The following GGT1 variants were observed in gnomAD, a reference collection of about 807,000 sequenced individuals.
GGT1 encodes the protein glutathione hydrolase 1 proenzyme.
In GGT1, 21 loss-of-function variants were observed where a neutral mutation model predicts 56.0. The ratio of observed to expected loss-of-function variants is 0.38; its 90% CI spans 0.27 to 0.54. The LOEUF is 0.54. Ranked by LOEUF, GGT1 falls within the 20% of genes least tolerant of loss-of-function variation. The pLI, the probability that GGT1 is intolerant of heterozygous loss-of-function variation, is 0.82. For missense variants in GGT1, 466 were observed against 787.0 expected (o/e 0.59, Z 4.88); for synonymous variants, 238 against 342.6 (o/e 0.69, Z 3.37).
At chr22:24,592,516 C>A (rs557018221), upstream of GGT1, 20 of 437,736 alleles carry the variant, frequency 4.6e-5, no homozygotes, top group Non-Finnish European at 8.4e-5. Context: ...TCCCATCTTG[C>A]CAGGGCCTGA....
chr22:24,618,790 A>T (rs906382259), intron 7 of GGT1, among the ~76,000 whole-genome samples: 5 of 152,186 alleles, frequency 3.3e-5, no homozygotes, highest in African/African-American at 1.2e-4. Flanking sequence ...TGCCAAGCCA[A>T]GCCAAATGGC....
chr22:24,623,968 T>A (rs2047588278), intron 11 of GGT1, 52 bp downstream of exon 11: 11 of 1,607,694 alleles, frequency 6.8e-6, no homozygotes, highest in Non-Finnish European at 9.3e-6. Context: ...CATAGAGGCA[T>A]CAGGTGGGCT....
upstream of GGT1, among the ~76,000 whole-genome samples, chr22:24,593,786 CAAAAAA>C (rs34143786): frequency 1.9e-5 from 2 of 105,242 alleles, no homozygotes; most frequent in South Asian, 2.9e-4. Flanking sequence ...AACTCTGTCT[CAAAAAA>C]AAAAAAAAGA....
chr22:24,590,505 T>C (rs5760485), upstream of GGT1, among the ~76,000 whole-genome samples: 61,840 of 151,882 alleles, frequency 0.41, 15,106 homozygotes, highest in African/African-American at 0.69. Context: ...CCAGTTCCCT[T>C]GAGGTAGTGT....
upstream of GGT1, among the ~76,000 whole-genome samples, chr22:24,594,384 CGTGTGTATGTGTGTGTGTGT>C (rs2045653944): frequency 7.1e-6 from 1 of 140,082 alleles, no homozygotes; most frequent in African/African-American, 2.8e-5. Context: ...GCCAAGCACC[CGTGTGTATGTGTGTGTGTGT>C]GTGTGTGTGT....
rs112952976 is a variant in GGT1 at position 24,615,000 on chromosome 22, G to A, written c.296-41G>A. ...GTCCCCAGGCTCACGTGGCATAAAG[G>A]GTTTGGGTGGGCGGGCCTGCCTACC... On this transcript the variant is annotated intron_variant, in intron 6 of 15. Transcript: ENST00000400382. 1.7e-4 allele frequency: 274 copies of A among 1,570,018 alleles called. 1 individual carries two copies. The African/African-American group carries it at 3.3e-3, about 19-fold the overall frequency.
intron 9 of GGT1, among the ~76,000 whole-genome samples, chr22:24,621,367 G>A (rs571375306): frequency 0.018 from 2,786 of 152,154 alleles, 34 homozygotes; most frequent in Non-Finnish European, 0.03. Flanking sequence ...GGAGGAGGTG[G>A]CGGCTGGGCT....
chr22:24,605,229 GTATTA>G (rs1326707943), intron 1 of GGT1, among the ~76,000 whole-genome samples: 755 of 17,646 alleles, frequency 0.043, 114 homozygotes, highest in East Asian at 0.12. Flanking sequence ...TATATAATAT[GTATTA>G]TATTATATAT....
At chr22:24,613,098 C>T (rs2046823379) in intron 5 of GGT1, among the ~76,000 whole-genome samples, 1 of 151,816 alleles carries the variant, frequency 6.6e-6, no homozygotes, top group Non-Finnish European at 1.5e-5. Context: ...TATTTTGAGA[C>T]AGGGTCTTGT....
rs546470217 is a variant in GGT1, at chr22:24,611,199, A to C, written c.118A>C (p.Arg40=). 2 of 1,585,240 alleles carry C rather than the reference A, an allele frequency of 1.3e-6. No homozygotes were observed. Among genetic ancestry groups the C allele is most frequent in the African/African-American group, 1.3e-5 (1 of 74,458 alleles). Residue 40 remains arginine (R), a synonymous_variant, in exon 5 of 16, where the codon AGG becomes CGG. Coordinates refer to ENST00000400382, the MANE Select transcript of GGT1 (RefSeq NM_001288833.2). The stretch of plus-strand genomic sequence containing the variant: ...GGAACCTGACAACCATGTGTACACC[A>C]GGGCTGCCGTGGCCGCGGATGCCAA... ...SKEPDNHVYT[R]AAVAADAKQC...
upstream of GGT1, chr22:24,592,851 T>C: frequency 4.7e-6 from 6 of 1,276,064 alleles, no homozygotes; most frequent in South Asian, 2.4e-5. Context: ...GGCGGACGGC[T>C]CCTTCTCTCG....
At chr22:24,603,008 G>C (rs1390273246), upstream of GGT1, 1 of 152,210 alleles carries the variant, frequency 6.6e-6, no homozygotes, top group Non-Finnish European at 1.5e-5. Context: ...AGACCCCACC[G>C]GGCTCAGAGA....
intron 7 of GGT1, among the ~76,000 whole-genome samples, chr22:24,619,042 A>C (rs1188367456): frequency 1.3e-5 from 2 of 152,164 alleles, no homozygotes; most frequent in African/African-American, 4.8e-5. Context: ...GGATTGCTTG[A>C]GGCCAGAGTT....
intron 7 of GGT1, chr22:24,615,955 G>GA (rs60931411): frequency 0.46 from 69,627 of 150,930 alleles, 18,630 homozygotes; most frequent in African/African-American, 0.75. Flanking sequence ...ACAAAAAACG[G>GA]AAAAAAAAAT....
chr22:24,589,771 C>T, the GGT1 span: 28 of 1,472,192 alleles, frequency 1.9e-5, 1 homozygote, highest in Admixed American at 1.6e-4. Context: ...TCTGTTGGCC[C>T]CCCTGTCCAC....
chr22:24,592,886 G>A, upstream of GGT1: 1 of 1,281,756 alleles, frequency 7.8e-7, no homozygotes, highest in Non-Finnish European at 9.9e-7. Context: ...CGCAGCAGCT[G>A]CCGGGCGCGC....
intron 5 of GGT1, among the ~76,000 whole-genome samples, chr22:24,614,123 C>T (rs2046886581): frequency 6.6e-6 from 1 of 152,040 alleles, no homozygotes; most frequent in Non-Finnish European, 1.5e-5. Flanking sequence ...GGGTGGATCA[C>T]TTGAGCACAG....
chr22:24,584,937 C>G, the GGT1 span, among the ~76,000 whole-genome samples: 1 of 152,004 alleles, frequency 6.6e-6, no homozygotes, highest in African/African-American at 2.4e-5. Context: ...AAGGGAGACA[C>G]TTCCCCCTGC....
At chr22:24,587,886 G>A in the GGT1 span, among the ~76,000 whole-genome samples, 2 of 152,174 alleles carry the variant, frequency 1.3e-5, no homozygotes, top group Non-Finnish European at 2.9e-5. Flanking sequence ...AGCTGAAGAT[G>A]CCTACTGAGG....
Sources: gnomAD v4.1 joint callset for allele counts (sites outside exome capture counted in the v4.1 genomes callset) on GRCh38, gnomAD v4.1.1 for gene constraint, MANE v1.5 for transcripts, NCBI Gene and HGNC (gene_info 2026-07-23, HGNC 2026-07-21) for gene names.